The following SCN9A variants were observed in gnomAD, a reference collection of about 807,000 sequenced individuals.
SCN9A encodes the protein sodium channel protein type 9 subunit alpha.
SCN9A carries 131 observed loss-of-function variants against 187.0 expected under a neutral mutation model. The observed-to-expected ratio is 0.70, with a 90% CI of 0.61 to 0.81. SCN9A has a LOEUF of 0.81. SCN9A is among the 30% of genes least tolerant of loss of function. The pLI is 0.00. For missense variants in SCN9A, 2,252 were observed against 2,396.6 expected, an observed-to-expected ratio of 0.94 and a Z score of 1.26; for synonymous variants, 809 against 808.6, an observed-to-expected ratio of 1.00 and a Z score of -0.01.
At chr2:166,318,445 T>C (rs1699160560) in intron 1 of SCN9A, among the ~76,000 whole-genome samples, 1 of 150,700 alleles carries the variant, frequency 6.6e-6, no homozygotes, top group Non-Finnish European at 1.5e-5. Flanking sequence ...CTACCAAACA[T>C]AAAATTGAAA....
intron 1 of SCN9A, among the ~76,000 whole-genome samples, chr2:166,370,131 A>G (rs947522296): frequency 3.3e-5 from 5 of 151,258 alleles, no homozygotes; most frequent in African/African-American, 1.2e-4. Flanking sequence ...AAAAACATAT[A>G]GTGTAGGAGC....
chr2:166,322,099 G>T (rs1699259819), intron 1 of SCN9A, among the ~76,000 whole-genome samples: 1 of 152,070 alleles, frequency 6.6e-6, no homozygotes, highest in Non-Finnish European at 1.5e-5. Context: ...AAAAGAAATA[G>T]ATTTATTTTA....
intron 16 of SCN9A, among the ~76,000 whole-genome samples, chr2:166,275,578 C>T (rs1697198143): frequency 8.5e-6 from 1 of 117,224 alleles, no homozygotes; most frequent in Non-Finnish European, 1.9e-5. Flanking sequence ...AGCGAGATTC[C>T]ATCTCAAAAA....
intron 5 of SCN9A, 48 bp from the exon 6 acceptor site, chr2:166,304,377 T>G (rs753243305): frequency 8.6e-6 from 13 of 1,505,740 alleles, no homozygotes; most frequent in Non-Finnish European, 9.2e-6. Context: ...GAGTCTATGA[T>G]ACTTACCTGA....
intron 1 of SCN9A, among the ~76,000 whole-genome samples, chr2:166,368,222 C>A (rs908249597): frequency 6.6e-6 from 1 of 152,178 alleles, no homozygotes; most frequent in Non-Finnish European, 1.5e-5. Context: ...ATATGAAAAT[C>A]CCTTAACAAA....
Position 166,232,735 on chromosome 2 carries a change from GTATA to G in SCN9A, c.3924+601_3924+604del, listed in dbSNP as rs753868931. 5.3e-3 allele frequency among the ~76,000 whole-genome samples: 738 copies of G among 139,138 alleles called. 6 individuals carry two copies. Among genetic ancestry groups the G allele is most frequent in the African/African-American group, 0.015 (583 of 37,624 alleles). 91.3% of individuals were successfully genotyped at this position (139,138 alleles called of 152,430 possible). A position where few individuals can be genotyped will look rare whatever the true frequency, so the allele number is the denominator to read the frequency against. On this transcript the variant is annotated intron_variant, in intron 21 of 26. Coordinates refer to ENST00000642356, the MANE Select transcript of SCN9A (RefSeq NM_001365536.1). ...CAATATGCACTGAAATACTGTGTGT[GTATA>G]TATATATATATATAGAGAGAGAGAG...
intron 1 of SCN9A, among the ~76,000 whole-genome samples, chr2:166,362,584 T>C (rs912673459): frequency 6.6e-6 from 1 of 151,922 alleles, no homozygotes; most frequent in Non-Finnish European, 1.5e-5. Flanking sequence ...AATCACAGGA[T>C]CACAAATGAA....
chr2:166,219,075 G>A (rs1694466725), intron 24 of SCN9A, among the ~76,000 whole-genome samples: 2 of 152,166 alleles, frequency 1.3e-5, no homozygotes, highest in Non-Finnish European at 2.9e-5. Flanking sequence ...AACAGATGCT[G>A]GCGAGGGTGT....
rs757164014 is a variant in SCN9A at position 166,286,558 on chromosome 2, C to G, written c.1380G>C (p.Glu460Asp). ...IRRSRIMGLS[E>D]SSSETSKLSS... is the part of the protein sequence containing the mutation. ...TCAGTTTGGATGTTTCAGAAGAACTCTCTGAGAGGCCCATAATTCTGCTTC... is the reference window on the plus strand; with the variant it reads ...TCAGTTTGGATGTTTCAGAAGAACTGTCTGAGAGGCCCATAATTCTGCTTC... Residue 460 changes from glutamate (E) to aspartate (D), a missense_variant, in exon 11 of 27, where the codon GAG (glutamate) becomes GAC (aspartate). Physicochemically the swap from Glu to Asp is conservative, Grantham distance 45. Around this residue, in one of 7 missense-constraint regions of SCN9A, gnomAD observed 1,013 missense variants for 997.4 expected, o/e 1.02. Transcript: ENST00000642356. 1.2e-6 allele frequency: 2 copies of G among 1,604,318 alleles called. No individual in the cohort carries two copies. The highest frequency in any genetic ancestry group is 1.7e-6 in the Non-Finnish European group (2 of 1,176,920).
At chr2:166,370,197 A>AT (rs1251042269) in intron 1 of SCN9A, among the ~76,000 whole-genome samples, 6 of 129,004 alleles carry the variant, frequency 4.7e-5, no homozygotes, top group African/African-American at 8.4e-5. Context: ...AGTTAAAATA[A>AT]TAATAATAAT....
intron 24 of SCN9A, among the ~76,000 whole-genome samples, chr2:166,214,531 G>T (rs1448742672): frequency 2.1e-4 from 1 of 4,714 alleles, no homozygotes; most frequent in East Asian, 0.028. Context: ...TTTTGAGATG[G>T]AGTCTCGCTG....
At chr2:166,272,054 T>C (rs970238908) in intron 17 of SCN9A, among the ~76,000 whole-genome samples, 2 of 151,602 alleles carry the variant, frequency 1.3e-5, no homozygotes, top group African/African-American at 4.8e-5. Flanking sequence ...AAGTAGTGAG[T>C]ACAAAGGAAA....
chr2:166,265,041 T>A (rs1696671885), intron 17 of SCN9A, among the ~76,000 whole-genome samples: 1 of 152,046 alleles, frequency 6.6e-6, no homozygotes, highest in Non-Finnish European at 1.5e-5. Flanking sequence ...TCCATAGCTT[T>A]GAACATTTAC....
In SCN9A at chr2:166,266,575, C is replaced by CT. The variant is rs71031233; in HGVS notation, c.3351+5823dup. Among the ~76,000 whole-genome samples, 316 of 137,380 alleles carry CT rather than the reference C, an allele frequency of 2.3e-3. 2 individuals carry two copies. Among genetic ancestry groups the CT allele is most frequent in the African/African-American group, 7.5e-3 (284 of 37,666 alleles). 90.1% of individuals were successfully genotyped at this position (137,380 alleles called of 152,430 possible). On this transcript the variant is annotated intron_variant, in intron 17 of 26. Transcript: ENST00000642356. ...TTGTGGTTTCATACAAATGTTAGGACTTTTTTTTTTTTTTTCTGTAAAGAA... is the reference window on the plus strand; with the variant it reads ...TTGTGGTTTCATACAAATGTTAGGACTTTTTTTTTTTTTTTTCTGTAAAGAA...
At chr2:166,212,663 C>T (rs887365518) in intron 24 of SCN9A, among the ~76,000 whole-genome samples, 3 of 152,140 alleles carry the variant, frequency 2.0e-5, no homozygotes, top group Non-Finnish European at 4.4e-5. Context: ...GAATATGCTA[C>T]CCAACAGCAT....
At position 166,233,366 on chromosome 2, in the gene SCN9A, C is replaced by T. The variant is rs1695179389; in HGVS notation, c.3898G>A (p.Ala1300Thr). Residue 1300 changes from alanine (A) to threonine (T), a missense_variant, in exon 21 of 27, where the codon GCC becomes ACC. Coordinates refer to ENST00000642356, the MANE Select transcript of SCN9A (RefSeq NM_001365536.1). Reference sequence around the variant, plus strand: ...CTCATTCCTTCAAATCTAGATAAGGCTCTTAGAGGTCTTAAAGCTCTCAGT... The same window carrying T: ...CTCATTCCTTCAAATCTAGATAAGGTTCTTAGAGGTCTTAAAGCTCTCAGT... ...RTLRALRPLRALSRFEGMRVV... is the reference protein window; with the variant it reads ...RTLRALRPLRTLSRFEGMRVV... 1 of 1,563,766 alleles carries T rather than the reference C, an allele frequency of 6.4e-7. No homozygotes were observed. The highest frequency in any genetic ancestry group is 8.6e-7 in the Non-Finnish European group (1 of 1,159,890).
At chr2:166,344,582 C>A (rs995082853) in intron 1 of SCN9A, among the ~76,000 whole-genome samples, 1 of 152,296 alleles carries the variant, frequency 6.6e-6, no homozygotes, top group South Asian at 2.1e-4. Flanking sequence ...ATTATACTAG[C>A]AATTCATCAG....
At position 166,222,945 on chromosome 2, in the gene SCN9A, C is replaced by CAAAAAAAAAAAAAAAAAAAAAAAAA. The variant is rs1309168684; in HGVS notation, c.4398+3597_4398+3621dup. Among the ~76,000 whole-genome samples, 52 of 44,954 alleles carry CAAAAAAAAAAAAAAAAAAAAAAAAA rather than the reference C, an allele frequency of 1.2e-3. 5 individuals are homozygous for CAAAAAAAAAAAAAAAAAAAAAAAAA. The highest frequency in any genetic ancestry group is 1.3e-3 in the East Asian group (2 of 1,494). The allele number at this position is 44,954 out of a possible 152,430, so 29.5% of individuals were successfully genotyped here. A position where few individuals can be genotyped will look rare whatever the true frequency, so the allele number is the denominator to read the frequency against. On this transcript the variant is annotated intron_variant, in intron 24 of 26. Transcript: ENST00000642356. The stretch of plus-strand genomic sequence containing the variant: ...AACTCCGTCTCAAAAAAAAAAACAA[C>CAAAAAAAAAAAAAAAAAAAAAAAAA]AAAAAAAAAAAAAAAAAAAAAAAAA...
chr2:166,356,917 CA>C (rs1297075608), intron 1 of SCN9A, among the ~76,000 whole-genome samples: 1 of 152,106 alleles, frequency 6.6e-6, no homozygotes, highest in Non-Finnish European at 1.5e-5. Flanking sequence ...ATTATCTTCT[CA>C]TTAGTTTTTT....
Sources: allele counts gnomAD v4.1 joint callset (sites outside exome capture counted in the v4.1 genomes callset), GRCh38; gene constraint gnomAD v4.1.1; regional missense constraint gnomAD v4.1.1; transcripts MANE v1.5; gene names NCBI Gene and HGNC (gene_info 2026-07-23, HGNC 2026-07-21).